The following USP48 variants were observed in gnomAD, a reference collection of about 807,000 sequenced individuals.
USP48 encodes ubiquitin specific peptidase 48.
USP48 carries 43 observed loss-of-function variants against 150.7 expected under a neutral mutation model. The ratio of observed to expected loss-of-function variants is 0.29; its 90% confidence interval spans 0.22 to 0.37. The LOEUF is 0.37. Among genes scored for constraint, USP48 ranks in the 10% least tolerant of loss-of-function variants. The pLI, the probability that USP48 is intolerant of heterozygous loss-of-function variation, is 1.00. For missense variants in USP48, 813 were observed against 1,249.6 expected, an observed-to-expected ratio of 0.65 and a Z score of 5.27; for synonymous variants, 396 against 425.9, an observed-to-expected ratio of 0.93 and a Z score of 0.86.
intron 11 of USP48, among the ~76,000 whole-genome samples, chr1:21,727,493 C>T (rs571231291): frequency 1.3e-5 from 2 of 152,282 alleles, no homozygotes; most frequent in African/African-American, 4.8e-5. Context: ...GAGTATTTCA[C>T]TTTAGACCCA....
intron 25 of USP48, among the ~76,000 whole-genome samples, chr1:21,683,124 G>A (rs1429088050): frequency 6.6e-6 from 1 of 152,148 alleles, no homozygotes; most frequent in African/African-American, 2.4e-5. Flanking sequence ...AGCCAGGCAT[G>A]GTGTTGCATG....
intron 19 of USP48, among the ~76,000 whole-genome samples, chr1:21,705,417 T>C (rs1441726976): frequency 2.0e-5 from 3 of 152,168 alleles, no homozygotes; most frequent in East Asian, 1.9e-4. Flanking sequence ...AAGACCATGT[T>C]GATTCTGTGA....
chr1:21,745,538 C>A (rs938171773), intron 8 of USP48, among the ~76,000 whole-genome samples: 5 of 151,874 alleles, frequency 3.3e-5, no homozygotes, highest in African/African-American at 7.3e-5. Flanking sequence ...ATAGCCTGGG[C>A]GACAGAGCCA....
At chr1:21,697,590 G>A (rs1168366139) in intron 22 of USP48, among the ~76,000 whole-genome samples, 3 of 150,960 alleles carry the variant, frequency 2.0e-5, no homozygotes, top group African/African-American at 7.3e-5. Context: ...GTGAACCCGG[G>A]AGGCAGAGCT....
Position 21,706,822 on chromosome 1 carries a change from C to A in USP48, c.2010G>T (p.Glu670Asp). The change falls in exon 16 of 27, where the codon GAG (glutamate) becomes GAT (aspartate). Residue 670 changes from glutamate (E) to aspartate (D), a missense_variant. Glu to Asp is a conservative substitution (Grantham distance 45). Coordinates refer to ENST00000308271, the MANE Select transcript of USP48 (RefSeq NM_032236.8). The stretch of plus-strand genomic sequence containing the variant: ...AGTACTGCTGCAGTTTGCTCCAAGC[C>A]TCTTTAGAAACAAGCCTTCTTTCAT... ...SENERRLVSK[E>D]AWSKLQQYFP... 1.2e-6 allele frequency: 2 copies of A among 1,613,656 alleles called. No individual in the cohort carries two copies. The highest frequency in any genetic ancestry group is 2.2e-5 in the South Asian group (2 of 91,042).
intron 10 of USP48, among the ~76,000 whole-genome samples, chr1:21,729,435 A>G (rs1478627469): frequency 6.6e-6 from 1 of 152,234 alleles, no homozygotes; most frequent in Non-Finnish European, 1.5e-5. Context: ...AATAAAATTC[A>G]CAAATACTCT....
At position 21,706,886 on chromosome 1, in the gene USP48, T is replaced by C. The variant is rs376660797; in HGVS notation, c.1964-18A>G. On this transcript the variant is annotated intron_variant, in intron 15 of 26. Transcript: ENST00000308271. ...TAACTCACCTGAGTTTAAAAAAATA[T>C]ATTTGGAAAAAAAAAAAACAGCTGA... 3.8e-6 allele frequency: 6 copies of C among 1,568,702 alleles called. No homozygotes were observed. In the African/African-American group the frequency reaches 4.3e-5, roughly 11 times the overall value.
intron 11 of USP48, chr1:21,728,274 CAAGTT>C: frequency 9.1e-7 from 1 of 1,095,926 alleles, no homozygotes; most frequent in Non-Finnish European, 1.1e-6. Context: ...TTTTCTTAAA[CAAGTT>C]AATATCTCAC....
intron 1 of USP48, among the ~76,000 whole-genome samples, chr1:21,776,906 C>T (rs1010442853): frequency 1.3e-5 from 2 of 151,250 alleles, no homozygotes; most frequent in African/African-American, 2.4e-5. Context: ...GAGTTTGTGC[C>T]GCTGCACTCC....
chr1:21,721,328 T>C (rs1282561246), intron 13 of USP48, among the ~76,000 whole-genome samples, 162 bp from the exon 14 acceptor site: 1 of 152,276 alleles, frequency 6.6e-6, no homozygotes, highest in African/African-American at 2.4e-5. Context: ...TCATTTTCTC[T>C]GTTCACTATT....
At chr1:21,729,200 T>C (rs1407003822) in intron 10 of USP48, among the ~76,000 whole-genome samples, 2 of 150,246 alleles carry the variant, frequency 1.3e-5, no homozygotes, top group African/African-American at 2.5e-5. Context: ...CAGAACTGCT[T>C]AAACCCAGGA....
intron 14 of USP48, 49 bp from the exon 15 acceptor site, chr1:21,715,506 A>G: frequency 1.6e-6 from 2 of 1,255,228 alleles, no homozygotes; most frequent in East Asian, 2.4e-5. Flanking sequence ...TTGTGTACTT[A>G]AAGTTGAAAG....
At chr1:21,726,555 T>C (rs976611277) in intron 11 of USP48, 2 of 152,158 alleles carry the variant, frequency 1.3e-5, no homozygotes, top group African/African-American at 4.8e-5. Flanking sequence ...GAAGAGTGAC[T>C]ATGGTCACAG....
intron 1 of USP48, among the ~76,000 whole-genome samples, chr1:21,770,481 C>CT (rs548583450): frequency 0.084 from 9,676 of 115,804 alleles, 527 homozygotes; most frequent in Non-Finnish European, 0.097. Context: ...AATCAAGTGT[C>CT]TTTTTTTTTT....
At chr1:21,711,869 T>A (rs1190909602) in intron 15 of USP48, among the ~76,000 whole-genome samples, 1 of 152,160 alleles carries the variant, frequency 6.6e-6, no homozygotes, top group Non-Finnish European at 1.5e-5. Context: ...GAATGGTACG[T>A]CCAGAGCACT....
rs371241964 is a variant in USP48, at chr1:21,752,512, T to C, written c.665+15A>G. 183 of 1,604,574 alleles carry C rather than the reference T, an allele frequency of 1.1e-4. No individual in the cohort carries two copies. The highest frequency in any genetic ancestry group is 1.7e-4 in the Middle Eastern group (1 of 6,060). On this transcript the variant is annotated intron_variant, in intron 5 of 26. Coordinates refer to ENST00000308271, the MANE Select transcript of USP48 (RefSeq NM_032236.8). The stretch of plus-strand genomic sequence containing the variant: ...TAGAATAAAATGTACCATGAAAAAG[T>C]TGAAACAGACTTACACAGTTACATA...
chr1:21,762,043 G>C lies in USP48; in HGVS notation c.135-4260C>G, dbSNP rs374989786. ...GCACTTTGGGAGACTGAGGTGGGCA[G>C]ATCACTTGAGGCCAGAAGTTCAAGA... On this transcript the variant is annotated intron_variant, in intron 1 of 26. Coordinates refer to ENST00000308271, the MANE Select transcript of USP48 (RefSeq NM_032236.8). 2.6e-5 allele frequency among the ~76,000 whole-genome samples: 4 copies of C among 152,074 alleles called. No homozygotes were observed. In the South Asian group the frequency reaches 6.2e-4, roughly 24 times the overall value.
intron 8 of USP48, among the ~76,000 whole-genome samples, chr1:21,739,184 G>A (rs1011283345): frequency 6.6e-6 from 1 of 152,050 alleles, no homozygotes; most frequent in Non-Finnish European, 1.5e-5. Flanking sequence ...AAGGTGAGGA[G>A]TCTAACAGGG....
At chr1:21,748,384 A>C in intron 6 of USP48, 113 bp from the exon 7 acceptor site, 1 of 952,490 alleles carries the variant, frequency 1.0e-6, no homozygotes, top group Admixed American at 3.0e-5. Flanking sequence ...CACTTAAGCT[A>C]CTTAAAAACA....
Sources: allele counts gnomAD v4.1 joint callset (sites outside exome capture counted in the v4.1 genomes callset), GRCh38; gene constraint gnomAD v4.1.1; transcripts MANE v1.5; gene names NCBI Gene and HGNC (gene_info 2026-07-23, HGNC 2026-07-21).